The following CNTN5 variants were observed in gnomAD, a reference collection of about 807,000 sequenced individuals.
CNTN5 encodes the protein contactin-5.
In CNTN5, 77 loss-of-function variants were observed where a neutral mutation model predicts 129.1. The ratio of observed to expected loss-of-function variants is 0.60; its 90% CI spans 0.50 to 0.72. The LOEUF (loss-of-function observed/expected upper bound fraction) is 0.72, where lower values mean the gene tolerates loss of function less well. CNTN5 is among the 30% of genes least tolerant of loss of function. The pLI, the probability that CNTN5 is intolerant of heterozygous loss-of-function variation, is 0.00. For synonymous variants in CNTN5, 509 were observed against 465.6 expected, an observed-to-expected ratio of 1.09 and a Z score of -1.20; for missense variants, 1,478 against 1,328.8, an observed-to-expected ratio of 1.11 and a Z score of -1.75.
At chr11:99,808,165 C>G (rs1427590082) in intron 3 of CNTN5, among the ~76,000 whole-genome samples, 1 of 152,140 alleles carries the variant, frequency 6.6e-6, no homozygotes, top group Admixed American at 6.5e-5. Flanking sequence ...AACAGCAGTT[C>G]CACAGCTGGA....
intron 2 of CNTN5, among the ~76,000 whole-genome samples, chr11:99,335,301 T>G (rs1355464967): frequency 6.6e-6 from 1 of 152,104 alleles, no homozygotes; most frequent in African/African-American, 2.4e-5. Flanking sequence ...ATCTCTCTTC[T>G]GCCATACAGA....
chr11:99,288,175 C>A (rs1864019966), intron 1 of CNTN5, among the ~76,000 whole-genome samples: 1 of 151,514 alleles, frequency 6.6e-6, no homozygotes, highest in African/African-American at 2.4e-5. Flanking sequence ...GGGTAATTAG[C>A]TTGTGGAATA....
chr11:99,316,143 A>C (rs1865330745), intron 1 of CNTN5, among the ~76,000 whole-genome samples: 1 of 152,044 alleles, frequency 6.6e-6, no homozygotes. Flanking sequence ...TGTCCACTAG[A>C]TTTGCTCCAA....
intron 21 of CNTN5, among the ~76,000 whole-genome samples, chr11:100,328,371 A>T (rs528576333): frequency 6.6e-6 from 1 of 152,238 alleles, no homozygotes; most frequent in South Asian, 2.1e-4. Flanking sequence ...CGTGTCTCAA[A>T]TGAGACCGTC....
At chr11:100,172,966 C>T (rs115387112) in intron 13 of CNTN5, among the ~76,000 whole-genome samples, 1 of 151,962 alleles carries the variant, frequency 6.6e-6, no homozygotes, top group Non-Finnish European at 1.5e-5. Flanking sequence ...GCAAAGGTAG[C>T]AGAATTGCAG....
chr11:100,084,452 T>C (rs1365259968), intron 13 of CNTN5, among the ~76,000 whole-genome samples: 1 of 152,182 alleles, frequency 6.6e-6, no homozygotes, highest in Non-Finnish European at 1.5e-5. Flanking sequence ...AATTACATAG[T>C]CACTTCTTTT....
At chr11:100,315,085 G>C (rs1462021890) in intron 21 of CNTN5, among the ~76,000 whole-genome samples, 2 of 152,072 alleles carry the variant, frequency 1.3e-5, no homozygotes, top group Non-Finnish European at 2.9e-5. Flanking sequence ...CTAGGGTCTT[G>C]ATCCTAACTT....
At chr11:99,474,028 A>G (rs552079470) in intron 2 of CNTN5, among the ~76,000 whole-genome samples, 2 of 152,180 alleles carry the variant, frequency 1.3e-5, no homozygotes, top group African/African-American at 2.4e-5. Flanking sequence ...ACTTGTTTAC[A>G]TGGTGAGTAG....
intron 2 of CNTN5, among the ~76,000 whole-genome samples, chr11:99,450,768 GT>G (rs34146715): frequency 0.23 from 24,279 of 104,716 alleles, 1,691 homozygotes; most frequent in East Asian, 0.3. Context: ...ATTGAAGCAA[GT>G]TTTTTTTTTT....
intron 1 of CNTN5, among the ~76,000 whole-genome samples, chr11:99,243,655 G>A (rs1861675545): frequency 1.3e-5 from 2 of 151,252 alleles, no homozygotes; most frequent in African/African-American, 2.4e-5. Flanking sequence ...GAAAGGCGGG[G>A]TTCCAGTTTT....
In CNTN5 at chr11:99,971,583, A is replaced by G. The variant is rs189150102; in HGVS notation, c.877+14574A>G. Among the ~76,000 whole-genome samples the G allele has an allele frequency of 1.2e-3, 180 of 151,724 alleles. 1 individual carries two copies. Among genetic ancestry groups the G allele is most frequent in the African/African-American group, 4.1e-3 (168 of 41,228 alleles). On this transcript the variant is annotated intron_variant, in intron 8 of 24. Transcript: ENST00000524871. ...AAACAAACAAACAAAAAACTCTACA[A>G]AATAATCAACAAATGCCAGCCCTAA...
intron 1 of CNTN5, among the ~76,000 whole-genome samples, chr11:99,311,630 A>G (rs373179346): frequency 2.0e-5 from 3 of 152,340 alleles, no homozygotes; most frequent in African/African-American, 7.2e-5. Context: ...TGCCAAAGGT[A>G]TAAATAATAC....
chr11:99,172,423 AT>A (rs1175130866), intron 1 of CNTN5, among the ~76,000 whole-genome samples: 2 of 152,228 alleles, frequency 1.3e-5, no homozygotes, highest in African/African-American at 4.8e-5. Context: ...CATCAAAAAA[AT>A]GTATTGCACC....
At chr11:99,838,185 T>C (rs949171314) in intron 4 of CNTN5, among the ~76,000 whole-genome samples, 3 of 152,184 alleles carry the variant, frequency 2.0e-5, no homozygotes, top group Non-Finnish European at 4.4e-5. Context: ...TAATCTGTTA[T>C]GACCTCATGT....
chr11:99,861,684 CTG>C (rs1181997200), intron 6 of CNTN5, among the ~76,000 whole-genome samples: 11 of 152,098 alleles, frequency 7.2e-5, no homozygotes, highest in South Asian at 2.1e-4. Flanking sequence ...AACATCAAGA[CTG>C]TGGAAGTCTC....
intron 1 of CNTN5, among the ~76,000 whole-genome samples, chr11:99,043,852 C>T (rs1386296236): frequency 6.6e-6 from 1 of 152,112 alleles, no homozygotes; most frequent in African/African-American, 2.4e-5. Flanking sequence ...AGAATGCCAC[C>T]TGTAGTAGCC....
intron 3 of CNTN5, among the ~76,000 whole-genome samples, chr11:99,643,513 T>C (rs1357567992): frequency 3.3e-5 from 5 of 152,216 alleles, no homozygotes; most frequent in African/African-American, 1.2e-4. Flanking sequence ...ACTTATCTCA[T>C]AGGTTTGTTG....
At chr11:99,570,734 C>T (rs956263211) in intron 3 of CNTN5, among the ~76,000 whole-genome samples, 2 of 152,082 alleles carry the variant, frequency 1.3e-5, no homozygotes, top group South Asian at 2.1e-4. Flanking sequence ...AACATAATAT[C>T]TAATAGGAAT....
At chr11:99,268,823 T>C (rs1344988631) in intron 1 of CNTN5, among the ~76,000 whole-genome samples, 1 of 151,980 alleles carries the variant, frequency 6.6e-6, no homozygotes, top group Non-Finnish European at 1.5e-5. Flanking sequence ...TTAAAGGATG[T>C]GTTTAGAAAG....
Sources: gnomAD v4.1 joint callset for allele counts (sites outside exome capture counted in the v4.1 genomes callset) on GRCh38, gnomAD v4.1.1 for gene constraint, MANE v1.5 for transcripts, NCBI Gene and HGNC (gene_info 2026-07-23, HGNC 2026-07-21) for gene names.